The following GRIA1 variants were observed in gnomAD, a reference collection of about 807,000 sequenced individuals.
GRIA1 encodes glutamate receptor 1.
A neutral mutation model predicts 99.2 loss-of-function variants in GRIA1; 31 were observed. That is an observed-to-expected ratio of 0.31 (90% confidence interval 0.23 to 0.42). The LOEUF (loss-of-function observed/expected upper bound fraction) is 0.42, where lower values mean the gene tolerates loss of function less well. Among genes scored for constraint, GRIA1 ranks in the 10% least tolerant of loss-of-function variants. GRIA1 has a pLI of 1.00. For synonymous variants in GRIA1, 438 were observed against 432.4 expected (o/e 1.01, Z -0.16); for missense variants, 782 against 1,157.5 (o/e 0.68, Z 4.71).
intron 7 of GRIA1, among the ~76,000 whole-genome samples, chr5:153,685,972 C>T (rs1757311925): frequency 6.6e-6 from 1 of 152,190 alleles, no homozygotes; most frequent in South Asian, 2.1e-4. Context: ...AGTATGCACT[C>T]TGACCCATTG....
At chr5:153,731,963 T>A (rs924951656) in intron 11 of GRIA1, among the ~76,000 whole-genome samples, 1 of 152,156 alleles carries the variant, frequency 6.6e-6, no homozygotes, top group East Asian at 1.9e-4. Context: ...TTTGACTTTT[T>A]GAGATTCCAC....
chr5:153,540,710 G>C (rs72800756), intron 2 of GRIA1, among the ~76,000 whole-genome samples: 9,852 of 152,180 alleles, frequency 0.065, 400 homozygotes, highest in South Asian at 0.15. Flanking sequence ...GCAGATGGGG[G>C]AAAGTGCTTT....
chr5:153,793,196 A>G (rs1765415489), intron 13 of GRIA1, among the ~76,000 whole-genome samples: 1 of 152,212 alleles, frequency 6.6e-6, no homozygotes, highest in Non-Finnish European at 1.5e-5. Context: ...AATGAAAATA[A>G]AAATGTTTGC....
intron 2 of GRIA1, among the ~76,000 whole-genome samples, chr5:153,622,925 T>C (rs949413447): frequency 3.3e-5 from 5 of 152,238 alleles, no homozygotes; most frequent in African/African-American, 1.2e-4. Flanking sequence ...CTCAGTCTTA[T>C]GTAAATAGAG....
chr5:153,542,592 A>G (rs1234031784), intron 2 of GRIA1, among the ~76,000 whole-genome samples: 1 of 152,236 alleles, frequency 6.6e-6, no homozygotes, highest in Non-Finnish European at 1.5e-5. Flanking sequence ...GAACTAGAGA[A>G]AATAATTCCA....
intron 2 of GRIA1, among the ~76,000 whole-genome samples, chr5:153,568,778 G>A (rs1034714565): frequency 3.2e-4 from 49 of 151,990 alleles, no homozygotes; most frequent in African/African-American, 1.1e-3. Context: ...AGAGCTCTCC[G>A]AATCTCAAAC....
intron 2 of GRIA1, among the ~76,000 whole-genome samples, chr5:153,636,454 T>C (rs11744124): frequency 0.075 from 11,376 of 152,266 alleles, 567 homozygotes; most frequent in Non-Finnish European, 0.11. Context: ...AACACAGCAA[T>C]GTAAATATGT....
At chr5:153,742,352 C>T (rs1283940063) in intron 11 of GRIA1, among the ~76,000 whole-genome samples, 2 of 152,324 alleles carry the variant, frequency 1.3e-5, no homozygotes, top group Non-Finnish European at 2.9e-5. Flanking sequence ...CTCTGTCAGT[C>T]GCTGTCCTGT....
chr5:153,562,618 G>A (rs1393793798), intron 2 of GRIA1, among the ~76,000 whole-genome samples: 1 of 152,150 alleles, frequency 6.6e-6, no homozygotes, highest in Non-Finnish European at 1.5e-5. Context: ...TTGACTGTGC[G>A]ATTACTGAAG....
intron 10 of GRIA1, among the ~76,000 whole-genome samples, chr5:153,702,709 C>T (rs1472123839): frequency 6.6e-6 from 1 of 152,196 alleles, no homozygotes; most frequent in Non-Finnish European, 1.5e-5. Flanking sequence ...AATCTAGAAA[C>T]TCTGGCGTGT....
chr5:153,505,206 C>T (rs1251224748), intron 2 of GRIA1, among the ~76,000 whole-genome samples: 2 of 152,162 alleles, frequency 1.3e-5, no homozygotes, highest in South Asian at 4.1e-4. Context: ...AGGCACAAGA[C>T]TGTAATGATT....
chr5:153,494,102 C>A (rs199614753), intron 2 of GRIA1, 37 bp downstream of exon 2: 9 of 1,600,158 alleles, frequency 5.6e-6, no homozygotes, highest in South Asian at 1.1e-5. Context: ...TGTCTTTCTG[C>A]GCTAGACCAA....
intron 15 of GRIA1, among the ~76,000 whole-genome samples, chr5:153,802,979 T>C (rs1032924746): frequency 1.3e-5 from 2 of 152,134 alleles, no homozygotes; most frequent in African/African-American, 2.4e-5. Context: ...GTAAGCAGAT[T>C]AGTGAGATGA....
chr5:153,556,208 TG>T (rs1760627875), intron 2 of GRIA1, among the ~76,000 whole-genome samples: 1 of 152,192 alleles, frequency 6.6e-6, no homozygotes, highest in African/African-American at 2.4e-5. Flanking sequence ...ACGGTGTTTC[TG>T]GGGCTATTCT....
At chr5:153,522,124 A>C (rs1371040039) in intron 2 of GRIA1, among the ~76,000 whole-genome samples, 1 of 152,188 alleles carries the variant, frequency 6.6e-6, no homozygotes, top group Non-Finnish European at 1.5e-5. Context: ...AAGACTCTGG[A>C]ATTAAACTGC....
chr5:153,787,939 G>C (rs1765070582), intron 13 of GRIA1, among the ~76,000 whole-genome samples: 1 of 152,062 alleles, frequency 6.6e-6, no homozygotes, highest in African/African-American at 2.4e-5. Flanking sequence ...AATTAGCCAG[G>C]CGTGGTGGCA....
intron 2 of GRIA1, among the ~76,000 whole-genome samples, chr5:153,556,291 C>A (rs974513385): frequency 6.8e-6 from 1 of 147,770 alleles, no homozygotes; most frequent in Non-Finnish European, 1.5e-5. Context: ...TTAGTTATGG[C>A]CAAGAAAGGA....
At chr5:153,613,250 T>C (rs1201087280) in intron 2 of GRIA1, among the ~76,000 whole-genome samples, 2 of 152,186 alleles carry the variant, frequency 1.3e-5, no homozygotes, top group Admixed American at 1.3e-4. Context: ...TTTCAATTCC[T>C]CAACACCAGC....
chr5:153,612,539 A>G (rs914826533), intron 2 of GRIA1, among the ~76,000 whole-genome samples: 2 of 152,232 alleles, frequency 1.3e-5, no homozygotes, highest in Non-Finnish European at 2.9e-5. Context: ...ATGCATATTA[A>G]GTGCCTGAGA....
Sources: gnomAD v4.1 joint callset for allele counts (sites outside exome capture counted in the v4.1 genomes callset) on GRCh38, gnomAD v4.1.1 for gene constraint, MANE v1.5 for transcripts, NCBI Gene and HGNC (gene_info 2026-07-23, HGNC 2026-07-21) for gene names.